PBX1: variants seen among roughly 807,000 people sequenced by gnomAD.
PBX1 encodes the protein pre-B-cell leukemia transcription factor 1.
PBX1 carries 6 observed loss-of-function variants against 53.4 expected under a neutral mutation model. That is an observed-to-expected ratio of 0.11 (90% confidence interval 0.06 to 0.22). The LOEUF (loss-of-function observed/expected upper bound fraction) is 0.22. Among genes scored for constraint, PBX1 ranks in the 10% least tolerant of loss-of-function variants. The pLI, the probability that PBX1 is intolerant of heterozygous loss-of-function variation, is 1.00. For synonymous variants in PBX1, 204 were observed against 212.3 expected (o/e 0.96, Z 0.34); for missense variants, 251 against 551.4 (o/e 0.46, Z 5.46).
intron 2 of PBX1, among the ~76,000 whole-genome samples, chr1:164,622,568 G>A (rs1571087118): frequency 6.6e-6 from 1 of 152,140 alleles, no homozygotes; most frequent in African/African-American, 2.4e-5. Flanking sequence ...TGCACATGCT[G>A]TTAACTCATC....
chr1:164,597,380 T>C (rs1007614369), intron 2 of PBX1, among the ~76,000 whole-genome samples: 3 of 152,232 alleles, frequency 2.0e-5, no homozygotes, highest in African/African-American at 7.2e-5. Context: ...GATGGTGACA[T>C]CAAGGGTTGA....
intron 2 of PBX1, among the ~76,000 whole-genome samples, chr1:164,731,188 T>A (rs1350641005): frequency 6.6e-6 from 1 of 152,140 alleles, no homozygotes; most frequent in Non-Finnish European, 1.5e-5. Flanking sequence ...TCTAGGGACT[T>A]CTCCATAAGA....
intron 2 of PBX1, among the ~76,000 whole-genome samples, chr1:164,745,499 C>T (rs901181880): frequency 1.3e-5 from 2 of 152,164 alleles, no homozygotes; most frequent in African/African-American, 4.8e-5. Flanking sequence ...AATGATGAAC[C>T]TTTTAAACAT....
chr1:164,804,825 A>C (rs1441033475), intron 4 of PBX1, among the ~76,000 whole-genome samples: 1 of 152,254 alleles, frequency 6.6e-6, no homozygotes, highest in Non-Finnish European at 1.5e-5. Flanking sequence ...ATGAATGAAC[A>C]AATTAGCAAA....
At chr1:164,571,551 G>A (rs1447501612) in intron 2 of PBX1, among the ~76,000 whole-genome samples, 4 of 149,052 alleles carry the variant, frequency 2.7e-5, no homozygotes, top group East Asian at 2.0e-4. Flanking sequence ...ATACTATTCC[G>A]CTGTATGGAT....
At chr1:164,756,927 A>G (rs181295102) in intron 2 of PBX1, among the ~76,000 whole-genome samples, 20 of 152,332 alleles carry the variant, frequency 1.3e-4, no homozygotes, top group Admixed American at 3.3e-4. Context: ...TTATGAAGCA[A>G]CTCATTAAAT....
intron 8 of PBX1, among the ~76,000 whole-genome samples, chr1:164,843,069 A>G (rs1671383745): frequency 6.6e-6 from 1 of 152,112 alleles, no homozygotes; most frequent in Non-Finnish European, 1.5e-5. Flanking sequence ...AAGCGAGGTC[A>G]GCTGTTTCCC....
chr1:164,582,000 T>C (rs1268114051), intron 2 of PBX1, among the ~76,000 whole-genome samples: 2 of 152,184 alleles, frequency 1.3e-5, no homozygotes, highest in African/African-American at 4.8e-5. Flanking sequence ...GCTTATTTCA[T>C]TTCAAAAAGG....
intron 2 of PBX1, among the ~76,000 whole-genome samples, chr1:164,884,291 A>T (rs1379229722): frequency 3.3e-5 from 5 of 152,192 alleles, no homozygotes; most frequent in African/African-American, 1.2e-4. Context: ...TTTCCATATT[A>T]TATGAATGAA....
chr1:164,748,325 C>G (rs561161131), intron 2 of PBX1, among the ~76,000 whole-genome samples: 1 of 152,222 alleles, frequency 6.6e-6, no homozygotes, highest in African/African-American at 2.4e-5. Flanking sequence ...CTGCTGGCTT[C>G]TAGAAGCAGT....
chr1:164,647,837 CAG>C (rs1360019149), intron 2 of PBX1, among the ~76,000 whole-genome samples: 2 of 136,160 alleles, frequency 1.5e-5, no homozygotes, highest in Non-Finnish European at 3.1e-5. Flanking sequence ...TTTTTTGAGA[CAG>C]AGTCTTGCTC....
chr1:164,587,797 C>T (rs1416418768), intron 2 of PBX1, among the ~76,000 whole-genome samples: 2 of 152,170 alleles, frequency 1.3e-5, no homozygotes, highest in Admixed American at 1.3e-4. Flanking sequence ...CTCACACGCG[C>T]CACACCAGGG....
intron 2 of PBX1, among the ~76,000 whole-genome samples, chr1:164,707,428 A>T (rs61801346): frequency 0.033 from 2,807 of 85,266 alleles, 50 homozygotes; most frequent in South Asian, 0.059. Flanking sequence ...TGAGAGAGAG[A>T]GAGAGAGAGA....
intron 2 of PBX1, among the ~76,000 whole-genome samples, chr1:164,613,818 C>T (rs1410683778): frequency 6.6e-6 from 1 of 152,104 alleles, no homozygotes; most frequent in Non-Finnish European, 1.5e-5. Context: ...CTTAGTCCCA[C>T]TCCAAAGCAT....
At position 164,812,154 on chromosome 1, in the gene PBX1, GT is replaced by G. The variant is rs767565258; in HGVS notation, c.997+11del. The G allele has an allele frequency of 2.1e-5, 33 of 1,604,088 alleles. No homozygotes were observed. Among genetic ancestry groups the G allele is most frequent in the Non-Finnish European group, 2.7e-5 (32 of 1,174,604 alleles). ...CCTCAACTCCCAACTCGGCTGGTTA[GT>G]TTTTTCTTTGATTGGGGGTGGGGGA... is the stretch of plus-strand genomic sequence containing the variant. On this transcript the variant is annotated splice_donor_region_variant and intron_variant, in intron 6 of 8. Coordinates refer to ENST00000420696, the MANE Select transcript of PBX1 (RefSeq NM_002585.4).
At chr1:164,755,761 C>T (rs1666478559) in intron 2 of PBX1, among the ~76,000 whole-genome samples, 1 of 152,084 alleles carries the variant, frequency 6.6e-6, no homozygotes, top group African/African-American at 2.4e-5. Flanking sequence ...CAAGGAAGAG[C>T]ATACCTGCAG....
chr1:164,610,078 G>A lies in PBX1; in HGVS notation c.265+46767G>A, dbSNP rs189000603. On this transcript the variant is annotated intron_variant, in intron 2 of 8. Coordinates refer to ENST00000420696, the MANE Select transcript of PBX1 (RefSeq NM_002585.4). Reference sequence around the variant, plus strand: ...AGGGCCCCACCTTCCATGCCTGCGCGTCTCCTTTTGTTCTGTCAGGTTTAG... The same window carrying A: ...AGGGCCCCACCTTCCATGCCTGCGCATCTCCTTTTGTTCTGTCAGGTTTAG... Among the ~76,000 whole-genome samples, 314 of 152,244 alleles carry A rather than the reference G, an allele frequency of 2.1e-3. 1 individual carries two copies. The highest frequency in any genetic ancestry group is 7.2e-3 in the African/African-American group (297 of 41,532).
At chr1:164,663,259 TGCCTG>T in intron 2 of PBX1, among the ~76,000 whole-genome samples, 1 of 151,408 alleles carries the variant, frequency 6.6e-6, no homozygotes, top group African/African-American at 2.4e-5. Context: ...CCTGCCTGCC[TGCCTG>T]CCTGCCTGCC....
intron 2 of PBX1, among the ~76,000 whole-genome samples, chr1:164,676,193 C>T (rs998446712): frequency 8.5e-5 from 13 of 152,130 alleles, no homozygotes; most frequent in African/African-American, 3.1e-4. Context: ...CTGGGGACTC[C>T]ATGGACCTAT....
Sources: gnomAD v4.1 joint callset for allele counts (sites outside exome capture counted in the v4.1 genomes callset) on GRCh38, gnomAD v4.1.1 for gene constraint, MANE v1.5 for transcripts, NCBI Gene and HGNC (gene_info 2026-07-23, HGNC 2026-07-21) for gene names.